NRXN3: variants seen among roughly 807,000 people sequenced by gnomAD.
NRXN3 encodes neurexin III.
Under a neutral mutation model 137.6 loss-of-function variants are expected in NRXN3, and 32 were observed. The ratio of observed to expected loss-of-function variants is 0.23; its 90% confidence interval spans 0.18 to 0.31. The LOEUF is 0.31. Ranked by LOEUF, NRXN3 falls within the 10% of genes least tolerant of loss-of-function variation. The probability of loss-of-function intolerance (pLI) is 1.00; values close to 1 mark genes in which losing one functional copy is unlikely to be tolerated. For missense variants in NRXN3, 1,574 were observed against 2,062.5 expected, an observed-to-expected ratio of 0.76 and a Z score of 4.59; for synonymous variants, 798 against 784.5, an observed-to-expected ratio of 1.02 and a Z score of -0.29.
At chr14:78,867,345 A>G (rs1368685664) in intron 10 of NRXN3, among the ~76,000 whole-genome samples, 1 of 152,158 alleles carries the variant, frequency 6.6e-6, no homozygotes, top group Non-Finnish European at 1.5e-5. Context: ...ATTACAGACA[A>G]TGTTTTTGCT....
chr14:79,168,997 AATATGTG>A (rs1383244646), intron 15 of NRXN3, among the ~76,000 whole-genome samples: 1 of 152,076 alleles, frequency 6.6e-6, no homozygotes, highest in African/African-American at 2.4e-5. Flanking sequence ...CACATGAAAG[AATATGTG>A]ATTATCAGTT....
chr14:79,128,909 A>G (rs1278778987), intron 15 of NRXN3, among the ~76,000 whole-genome samples: 4 of 151,412 alleles, frequency 2.6e-5, no homozygotes, highest in African/African-American at 9.7e-5. Context: ...GTCTTGGGAG[A>G]GTGTATGTGT....
At chr14:78,977,300 C>A (rs2099471099) in intron 14 of NRXN3, among the ~76,000 whole-genome samples, 1 of 152,126 alleles carries the variant, frequency 6.6e-6, no homozygotes, top group South Asian at 2.1e-4. Context: ...CATATCAACA[C>A]CATTTCGAAA....
At chr14:78,368,653 C>T (rs148462458) in intron 4 of NRXN3, among the ~76,000 whole-genome samples, 1 of 152,190 alleles carries the variant, frequency 6.6e-6, no homozygotes, top group African/African-American at 2.4e-5. Flanking sequence ...TGAGATCACA[C>T]CATTGCACTC....
intron 15 of NRXN3, among the ~76,000 whole-genome samples, chr14:79,169,262 A>G (rs1340870506): frequency 6.6e-6 from 1 of 152,034 alleles, no homozygotes; most frequent in Non-Finnish European, 1.5e-5. Context: ...CCAGCCCTTT[A>G]ACTCTTTTCA....
At chr14:79,844,175 G>A (rs962597158) in intron 20 of NRXN3, among the ~76,000 whole-genome samples, 1 of 151,670 alleles carries the variant, frequency 6.6e-6, no homozygotes, top group African/African-American at 2.4e-5. Context: ...CACATCTTCA[G>A]GTCTTACTTC....
intron 15 of NRXN3, among the ~76,000 whole-genome samples, chr14:79,212,308 C>T (rs2067794907): frequency 2.6e-5 from 4 of 152,166 alleles, no homozygotes; most frequent in Non-Finnish European, 5.9e-5. Context: ...TTCTAGGCTT[C>T]TTTGGAGAAA....
intron 16 of NRXN3, among the ~76,000 whole-genome samples, chr14:79,650,973 G>A (rs10147137): frequency 0.08 from 12,200 of 152,182 alleles, 1,664 homozygotes; most frequent in African/African-American, 0.28. Context: ...TAATGGAGAA[G>A]GCAAGACAAT....
chr14:79,853,895 C>T (rs1420689626), intron 20 of NRXN3: 1 of 992,240 alleles, frequency 1.0e-6, no homozygotes, highest in Non-Finnish European at 1.2e-6. Flanking sequence ...GTTTTTCAAT[C>T]ATAGCAATCG....
At chr14:79,462,896 A>ATATGTACATACACATATG (rs1362289461) in intron 15 of NRXN3, among the ~76,000 whole-genome samples, 3 of 149,286 alleles carry the variant, frequency 2.0e-5, no homozygotes, top group Admixed American at 1.3e-4. Flanking sequence ...ATATGTATGT[A>ATATGTACATACACATATG]TATGTATATG....
At chr14:78,967,867 G>C (rs983865503) in intron 13 of NRXN3, among the ~76,000 whole-genome samples, 3 of 151,934 alleles carry the variant, frequency 2.0e-5, no homozygotes, top group African/African-American at 4.8e-5. Context: ...GCATATTATT[G>C]GTAACAAGCA....
chr14:79,128,361 A>G (rs2152950745), intron 15 of NRXN3, among the ~76,000 whole-genome samples: 1 of 147,502 alleles, frequency 6.8e-6, no homozygotes, highest in Non-Finnish European at 1.5e-5. Context: ...ATCAATACCT[A>G]ATTTATTGAG....
intron 4 of NRXN3, among the ~76,000 whole-genome samples, chr14:78,388,606 T>A (rs950152215): frequency 3.3e-5 from 5 of 152,160 alleles, no homozygotes; most frequent in African/African-American, 1.2e-4. Flanking sequence ...TTCTGGCTAC[T>A]TTTGCTCTAC....
intron 16 of NRXN3, among the ~76,000 whole-genome samples, chr14:79,570,261 G>T (rs1022212705): frequency 1.3e-5 from 2 of 152,104 alleles, no homozygotes; most frequent in African/African-American, 2.4e-5. Flanking sequence ...AGCAATTCCT[G>T]CCATGAGAAT....
intron 15 of NRXN3, among the ~76,000 whole-genome samples, chr14:79,331,668 A>G (rs142087623): frequency 3.3e-5 from 5 of 152,186 alleles, no homozygotes; most frequent in African/African-American, 7.2e-5. Flanking sequence ...TTAGGAAGTA[A>G]ATGCTGAAAT....
At chr14:79,057,435 C>A (rs917547533) in intron 15 of NRXN3, among the ~76,000 whole-genome samples, 1 of 152,120 alleles carries the variant, frequency 6.6e-6, no homozygotes, top group Non-Finnish European at 1.5e-5. Context: ...TATAAATGTG[C>A]CACTTCATAT....
intron 16 of NRXN3, among the ~76,000 whole-genome samples, chr14:79,632,690 A>C (rs1485286486): frequency 6.6e-6 from 1 of 151,758 alleles, no homozygotes; most frequent in Non-Finnish European, 1.5e-5. Context: ...TATTAAGTCC[A>C]TTCTGTGTTC....
intron 4 of NRXN3, among the ~76,000 whole-genome samples, chr14:78,499,839 A>G (rs915362249): frequency 6.6e-6 from 1 of 152,126 alleles, no homozygotes; most frequent in Non-Finnish European, 1.5e-5. Flanking sequence ...CTTTCCCATC[A>G]TGGCAGCTTC....
At chr14:79,775,105 G>T (rs2099092492) in intron 19 of NRXN3, among the ~76,000 whole-genome samples, 1 of 152,018 alleles carries the variant, frequency 6.6e-6, no homozygotes. Context: ...TATTGATCTG[G>T]GGTGGTACTA....
Sources: allele counts gnomAD v4.1 joint callset (sites outside exome capture counted in the v4.1 genomes callset), GRCh38; gene constraint gnomAD v4.1.1; transcripts MANE v1.5; gene names NCBI Gene and HGNC (gene_info 2026-07-23, HGNC 2026-07-21).